GABRB2: variants seen among roughly 807,000 people sequenced by gnomAD.
GABRB2 encodes the protein gamma-aminobutyric acid type A receptor subunit beta2.
Under a neutral mutation model 54.7 loss-of-function variants are expected in GABRB2, and 16 were observed. The observed-to-expected ratio is 0.29, with a 90% CI of 0.20 to 0.44. GABRB2 has a LOEUF of 0.44. Ranked by LOEUF, GABRB2 falls within the 20% of genes least tolerant of loss-of-function variation. The pLI is 1.00. For missense variants in GABRB2, 355 were observed against 644.0 expected (o/e 0.55, Z 4.86); for synonymous variants, 244 against 233.8 (o/e 1.04, Z -0.40).
intron 5 of GABRB2, among the ~76,000 whole-genome samples, chr5:161,341,510 G>A (rs1215193068): frequency 2.0e-5 from 3 of 151,612 alleles, no homozygotes; most frequent in Non-Finnish European, 4.4e-5. Flanking sequence ...CAAATTCACT[G>A]GCATTCACCT....
intron 9 of GABRB2, among the ~76,000 whole-genome samples, chr5:161,298,260 G>A (rs943859459): frequency 6.6e-5 from 10 of 152,134 alleles, no homozygotes; most frequent in Non-Finnish European, 7.4e-5. Flanking sequence ...TTCTTTTGCT[G>A]TGCAGAAGCT....
intron 6 of GABRB2, among the ~76,000 whole-genome samples, chr5:161,335,898 C>G (rs1753977032): frequency 6.6e-6 from 1 of 152,062 alleles, no homozygotes; most frequent in African/African-American, 2.4e-5. Context: ...AGGGCCATTA[C>G]AGTATTAGTT....
intron 4 of GABRB2, among the ~76,000 whole-genome samples, chr5:161,428,996 T>A (rs932954784): frequency 6.6e-5 from 10 of 151,964 alleles, no homozygotes; most frequent in African/African-American, 2.2e-4. Context: ...TATTTATTTT[T>A]ATTTATGTTT....
intron 4 of GABRB2, among the ~76,000 whole-genome samples, chr5:161,415,749 A>G (rs933234356): frequency 5.3e-5 from 8 of 151,774 alleles, no homozygotes; most frequent in Admixed American, 2.0e-4. Flanking sequence ...AGTAGCTGGG[A>G]TTATAGGCAA....
chr5:161,445,655 G>A (rs1456258575), intron 4 of GABRB2, among the ~76,000 whole-genome samples: 2 of 151,990 alleles, frequency 1.3e-5, no homozygotes, highest in East Asian at 1.9e-4. Flanking sequence ...ATAAAACCTC[G>A]GTGTTGAAAA....
chr5:161,332,685 A>C (rs1274939156), intron 7 of GABRB2, among the ~76,000 whole-genome samples: 1 of 152,220 alleles, frequency 6.6e-6, no homozygotes, highest in East Asian at 1.9e-4. Flanking sequence ...TTTCTGACTC[A>C]GGAATCCAGG....
intron 9 of GABRB2, 147 bp from the exon 10 acceptor site, chr5:161,294,575 G>A (rs1192112351): frequency 1.6e-5 from 10 of 634,282 alleles, no homozygotes; most frequent in Admixed American, 6.0e-5. Context: ...AGTCTGAATT[G>A]AGACTCTACC....
intron 3 of GABRB2, among the ~76,000 whole-genome samples, chr5:161,531,064 T>C (rs1009827517): frequency 6.6e-6 from 1 of 152,178 alleles, no homozygotes; most frequent in African/African-American, 2.4e-5. Context: ...TCTTTGTCTG[T>C]ATGTCAAGGA....
intron 5 of GABRB2, among the ~76,000 whole-genome samples, chr5:161,371,885 C>CTATTTT (rs926915358): frequency 6.6e-5 from 10 of 151,942 alleles, no homozygotes; most frequent in Admixed American, 4.6e-4. Flanking sequence ...CTATGCGTGG[C>CTATTTT]TATTTTTATT....
chr5:161,413,896 T>TGCTGATACATGTTCACG (rs1411130622), intron 4 of GABRB2, among the ~76,000 whole-genome samples: 2 of 152,318 alleles, frequency 1.3e-5, no homozygotes, highest in Admixed American at 1.3e-4. Context: ...TCACACTTTC[T>TGCTGATACATGTTCACG]GCTGATACAT....
At chr5:161,356,369 G>A (rs78672648) in intron 5 of GABRB2, among the ~76,000 whole-genome samples, 1 of 152,198 alleles carries the variant, frequency 6.6e-6, no homozygotes, top group African/African-American at 2.4e-5. Flanking sequence ...TAAAAAGGAT[G>A]ACTATAGTGG....
At chr5:161,406,815 T>A (rs535963381) in intron 5 of GABRB2, among the ~76,000 whole-genome samples, 37 of 152,154 alleles carry the variant, frequency 2.4e-4, no homozygotes, top group African/African-American at 8.9e-4. Flanking sequence ...TAAAAGGAGA[T>A]GCCTGACTGT....
chr5:161,453,704 T>A lies in GABRB2; in HGVS notation c.458+5920A>T, dbSNP rs1757860492. Among the ~76,000 whole-genome samples, 5 of 152,106 alleles carry A rather than the reference T, an allele frequency of 3.3e-5. No homozygotes were observed. In the South Asian group the frequency reaches 1.0e-3, roughly 32 times the overall value. On this transcript the variant is annotated intron_variant, in intron 4 of 9. Transcript: ENST00000393959. ...TTGTATTCAAGACTTTCAATATTCT[T>A]TGGTCACAAACTGCAATTTTAAGCT...
rs922478821 is a variant in GABRB2 at position 161,354,790 on chromosome 5, A to G, written c.542-18021T>C. ...TGTTCCTGCCCACCTCTTTGAAGTC[A>G]TCTATTAAGACTAATGCAAAAAAAT... On this transcript the variant is annotated intron_variant, in intron 5 of 9. Transcript: ENST00000393959. Among the ~76,000 whole-genome samples the G allele has an allele frequency of 4.6e-5, 7 of 152,200 alleles. No individual in the cohort carries two copies. In the East Asian group the frequency reaches 9.7e-4, roughly 21 times the overall value.
At chr5:161,492,066 TTCTA>T (rs774777672) in intron 3 of GABRB2, among the ~76,000 whole-genome samples, 1 of 151,690 alleles carries the variant, frequency 6.6e-6, no homozygotes, top group African/African-American at 2.4e-5. Context: ...GGTTTGTGAA[TTCTA>T]TCTGATTAAA....
At chr5:161,436,142 C>G (rs1001150053) in intron 4 of GABRB2, among the ~76,000 whole-genome samples, 3 of 152,136 alleles carry the variant, frequency 2.0e-5, no homozygotes, top group Admixed American at 2.0e-4. Context: ...TCACTTTCTT[C>G]GTGTGTAAAA....
intron 5 of GABRB2, among the ~76,000 whole-genome samples, chr5:161,384,379 T>C (rs78674261): frequency 0.011 from 1,628 of 152,262 alleles, 35 homozygotes; most frequent in South Asian, 0.052. Context: ...GGTGTGTAAT[T>C]GAGGAGGGGG....
In GABRB2 at chr5:161,334,634, T is replaced by C. The variant is rs953901012; in HGVS notation, c.832+118A>G. The C allele has an allele frequency of 6.3e-6, 6 of 947,540 alleles. No individual in the cohort carries two copies. The Admixed American group carries it at 9.5e-5, about 15-fold the overall frequency. The allele number at this position is 947,540 out of a possible 1,614,324, so 58.7% of individuals were successfully genotyped here. A position where few individuals can be genotyped will look rare whatever the true frequency, so the allele number is the denominator to read the frequency against. On this transcript the variant is annotated intron_variant, in intron 7 of 9. Transcript: ENST00000393959. Reference sequence around the variant, plus strand: ...AAGTCTCATAGCGAAACTCTTACAGTGTGAGAGGTTCAGTTGCGTCATGCA... The same window carrying C: ...AAGTCTCATAGCGAAACTCTTACAGCGTGAGAGGTTCAGTTGCGTCATGCA...
intron 3 of GABRB2, among the ~76,000 whole-genome samples, chr5:161,520,981 A>T (rs1650548488): frequency 6.6e-6 from 1 of 151,948 alleles, no homozygotes; most frequent in Non-Finnish European, 1.5e-5. Flanking sequence ...ATGCTGTCTG[A>T]AGGAGGTCTA....
Sources: gnomAD v4.1 joint callset for allele counts (sites outside exome capture counted in the v4.1 genomes callset) on GRCh38, gnomAD v4.1.1 for gene constraint, MANE v1.5 for transcripts, NCBI Gene and HGNC (gene_info 2026-07-23, HGNC 2026-07-21) for gene names.